LRRC28: variants seen among roughly 807,000 people sequenced by gnomAD.
LRRC28 encodes the protein leucine-rich repeat-containing protein 28.
In LRRC28, 39 loss-of-function variants were observed where a neutral mutation model predicts 45.7. That is an observed-to-expected ratio of 0.85 (90% CI 0.66 to 1.12). The LOEUF (loss-of-function observed/expected upper bound fraction) is 1.12, where lower values mean the gene tolerates loss of function less well. LRRC28 is among the 50% of genes most tolerant of loss of function. The pLI, the probability that LRRC28 is intolerant of heterozygous loss-of-function variation, is 0.00. For synonymous variants in LRRC28, 206 were observed against 178.8 expected (o/e 1.15, Z -1.22); for missense variants, 435 against 438.5 (o/e 0.99, Z 0.07).
At chr15:99,370,528 C>T (rs552948443) in intron 9 of LRRC28, among the ~76,000 whole-genome samples, 1 of 152,054 alleles carries the variant, frequency 6.6e-6, no homozygotes, top group East Asian at 1.9e-4. Flanking sequence ...GGAAGGAGAA[C>T]TTTCATTTTC....
intron 5 of LRRC28, chr15:99,297,433 T>TC (rs1397854187): frequency 6.7e-6 from 1 of 149,330 alleles, no homozygotes; most frequent in East Asian, 1.9e-4. Context: ...AATTTTTTTT[T>TC]TTTTTTTTTT....
chr15:99,348,047 A>C (rs1444347744), intron 6 of LRRC28, among the ~76,000 whole-genome samples: 4 of 152,132 alleles, frequency 2.6e-5, no homozygotes, highest in Admixed American at 1.3e-4. Flanking sequence ...GCACCTTTTC[A>C]TCTACCTGTT....
intron 6 of LRRC28, among the ~76,000 whole-genome samples, chr15:99,343,615 C>T (rs568647773): frequency 1.1e-4 from 16 of 152,300 alleles, no homozygotes; most frequent in African/African-American, 1.4e-4. Flanking sequence ...ATCTGTACGA[C>T]GGACAGCTTC....
At chr15:99,320,959 A>G (rs927175132) in intron 5 of LRRC28, among the ~76,000 whole-genome samples, 1 of 152,240 alleles carries the variant, frequency 6.6e-6, no homozygotes, top group African/African-American at 2.4e-5. Context: ...AAATAATTCC[A>G]AAAACAAAAG....
intron 6 of LRRC28, among the ~76,000 whole-genome samples, chr15:99,348,750 T>G (rs536322312): frequency 1.6e-5 from 2 of 123,274 alleles, no homozygotes; most frequent in Admixed American, 8.8e-5. Flanking sequence ...TTTTGTTGTT[T>G]TTTTTTTGTT....
At chr15:99,323,839 T>G (rs1381886271) in intron 5 of LRRC28, among the ~76,000 whole-genome samples, 1 of 152,224 alleles carries the variant, frequency 6.6e-6, no homozygotes, top group Non-Finnish European at 1.5e-5. Context: ...TACTCTTTTT[T>G]CTTTAACAGC....
intron 6 of LRRC28, among the ~76,000 whole-genome samples, chr15:99,350,004 C>T (rs1376047174): frequency 2.6e-5 from 4 of 151,408 alleles, no homozygotes; most frequent in Admixed American, 6.6e-5. Flanking sequence ...GGCGCGGTGG[C>T]GGGCGCCTGT....
chr15:99,386,311 G>C lies in LRRC28; in HGVS notation c.*209G>C. On this transcript the variant is annotated 3_prime_UTR_variant, in exon 10 of 10. Coordinates refer to ENST00000301981, the MANE Select transcript of LRRC28 (RefSeq NM_144598.5). ...CAAATTAAGGACCCATTTGTCTTCT[G>C]TGTTTTTCCTTTTTATGTGAGTGTG... 1 of 501,114 alleles carries C rather than the reference G, an allele frequency of 2.0e-6. No homozygotes were observed. Among genetic ancestry groups the C allele is most frequent in the Non-Finnish European group, 3.5e-6 (1 of 282,292 alleles). 31.0% of individuals were successfully genotyped at this position (501,114 alleles called of 1,614,324 possible).
chr15:99,296,004 C>T (rs901287377), intron 5 of LRRC28, among the ~76,000 whole-genome samples: 4 of 152,180 alleles, frequency 2.6e-5, no homozygotes, highest in African/African-American at 9.7e-5. Flanking sequence ...TTATTGATCT[C>T]ATGTGGAGGT....
At chr15:99,306,566 T>C (rs931834801) in intron 5 of LRRC28, among the ~76,000 whole-genome samples, 3 of 152,250 alleles carry the variant, frequency 2.0e-5, no homozygotes, top group Non-Finnish European at 2.9e-5. Context: ...ATGAAAATTA[T>C]TGTTAATTTT....
intron 6 of LRRC28, among the ~76,000 whole-genome samples, chr15:99,336,573 A>ATC (rs879091004): frequency 1.3e-5 from 2 of 151,962 alleles, no homozygotes; most frequent in Non-Finnish European, 2.9e-5. Flanking sequence ...GCCTCATTCA[A>ATC]TCTCTCTCTC....
chr15:99,283,981 C>G (rs537345242), intron 3 of LRRC28, among the ~76,000 whole-genome samples: 4 of 152,292 alleles, frequency 2.6e-5, no homozygotes, highest in African/African-American at 9.6e-5. Context: ...TAACTCTTAC[C>G]AGGAGCCAAG....
At chr15:99,265,167 C>T (rs961144221) in intron 2 of LRRC28, among the ~76,000 whole-genome samples, 3 of 152,122 alleles carry the variant, frequency 2.0e-5, no homozygotes, top group African/African-American at 4.8e-5. Context: ...ACCTTCTGCT[C>T]GTTTAGGGAA....
intron 1 of LRRC28, among the ~76,000 whole-genome samples, chr15:99,254,441 T>C (rs1050696073): frequency 1.3e-5 from 2 of 152,258 alleles, no homozygotes; most frequent in Non-Finnish European, 2.9e-5. Flanking sequence ...ACTAATTTGG[T>C]ATTAATTCCC....
chr15:99,258,127 T>C, intron 2 of LRRC28: 1 of 1,607,370 alleles, frequency 6.2e-7, no homozygotes, highest in South Asian at 1.1e-5. Context: ...TAGCCAAATC[T>C]TGAACAAACG....
At chr15:99,378,760 C>A (rs1379314615) in intron 9 of LRRC28, among the ~76,000 whole-genome samples, 197 of 152,192 alleles carry the variant, frequency 1.3e-3, no homozygotes, top group African/African-American at 3.9e-3. Context: ...GGGCTGTTGA[C>A]TTTTGTTGAA....
At chr15:99,334,642 A>G (rs34971332) in intron 6 of LRRC28, among the ~76,000 whole-genome samples, 14,119 of 152,160 alleles carry the variant, frequency 0.093, 958 homozygotes, top group East Asian at 0.31. Flanking sequence ...AAAATAATAT[A>G]TTATCCACTG....
rs773574636 is a variant in LRRC28 at position 99,276,591 on chromosome 15, C to G, written c.184C>G (p.Gln62Glu). The G allele has an allele frequency of 2.6e-6, 4 of 1,528,466 alleles. No individual in the cohort carries two copies. The highest frequency in any genetic ancestry group is 4.7e-5 in the Admixed American group (2 of 42,848). The allele number at this position is 1,528,466 out of a possible 1,614,324, so 94.7% of individuals were successfully genotyped here. Residue 62 changes from glutamine (Q) to glutamate (E), a missense_variant, in exon 3 of 10, where the codon CAG becomes GAG. Transcript: ENST00000301981. ...TAATTTTCAGCCAGAAAACCTTGCT[C>G]AGAAGCTTCCAAACCTTGTGGAACT... Reference protein sequence around the residue: ...SLTSLPENLAQKLPNLVELYL... With the variant: ...SLTSLPENLAEKLPNLVELYL...
At chr15:99,283,587 G>T (rs1023984574) in intron 3 of LRRC28, among the ~76,000 whole-genome samples, 1 of 130,650 alleles carries the variant, frequency 7.7e-6, no homozygotes, top group Admixed American at 9.3e-5. Flanking sequence ...CGGCACTCTA[G>T]CCTGGACGAC....
Sources: allele counts gnomAD v4.1 joint callset (sites outside exome capture counted in the v4.1 genomes callset), GRCh38; gene constraint gnomAD v4.1.1; transcripts MANE v1.5; gene names NCBI Gene and HGNC (gene_info 2026-07-23, HGNC 2026-07-21).